DGKI: variants seen among roughly 807,000 people sequenced by gnomAD.
DGKI encodes DAG kinase iota.
DGKI carries 55 observed loss-of-function variants against 147.5 expected under a neutral mutation model. That is an observed-to-expected ratio of 0.37 (90% CI 0.30 to 0.47). The LOEUF is 0.47. Among genes scored for constraint, DGKI ranks in the 20% least tolerant of loss-of-function variants. The pLI, the probability that DGKI is intolerant of heterozygous loss-of-function variation, is 1.00. For missense variants in DGKI, 1,007 were observed against 1,323.8 expected (o/e 0.76, Z 3.71); for synonymous variants, 469 against 477.1 (o/e 0.98, Z 0.22).
Position 137,381,081 on chromosome 7 carries a change from A to G in DGKI, c.*10139T>C, listed in dbSNP as rs1385963241. On this transcript the variant is annotated 3_prime_UTR_variant, in exon 33 of 33. Transcript: ENST00000614521. ...TCTGTACATTTCCACACAATTCACAATACAGAAAAAGTGTCCAAAAAGTAA... is the reference window on the plus strand; with the variant it reads ...TCTGTACATTTCCACACAATTCACAGTACAGAAAAAGTGTCCAAAAAGTAA... The G allele has an allele frequency of 6.6e-6, 1 of 152,132 alleles. No individual in the cohort carries two copies. The highest frequency in any genetic ancestry group is 1.9e-4 in the East Asian group (1 of 5,190). 9.4% of individuals were successfully genotyped at this position (152,132 alleles called of 1,614,324 possible). A position where few individuals can be genotyped will look rare whatever the true frequency, so the allele number is the denominator to read the frequency against.
At chr7:137,630,841 T>C (rs1821100397) in intron 6 of DGKI, among the ~76,000 whole-genome samples, 1 of 152,216 alleles carries the variant, frequency 6.6e-6, no homozygotes, top group African/African-American at 2.4e-5. Context: ...AGGTTTCTTT[T>C]ATGAAAGTAT....
At chr7:137,721,078 C>T (rs1310244589) in intron 1 of DGKI, among the ~76,000 whole-genome samples, 7 of 152,176 alleles carry the variant, frequency 4.6e-5, no homozygotes, top group Non-Finnish European at 1.0e-4. Flanking sequence ...GACTCACATC[C>T]TACTTTTTAA....
intron 32 of DGKI, among the ~76,000 whole-genome samples, chr7:137,393,703 A>G (rs1811447073): frequency 2.6e-5 from 4 of 152,236 alleles, no homozygotes; most frequent in African/African-American, 7.2e-5. Context: ...CTAGCCAGAC[A>G]GGTAACAGAC....
chr7:137,622,527 T>C (rs1473169604), intron 7 of DGKI, among the ~76,000 whole-genome samples: 1 of 152,170 alleles, frequency 6.6e-6, no homozygotes, highest in Non-Finnish European at 1.5e-5. Flanking sequence ...TTTAGGCTTA[T>C]GGGATCATCC....
chr7:137,551,469 C>T (rs1366895274), intron 20 of DGKI, among the ~76,000 whole-genome samples: 1 of 152,148 alleles, frequency 6.6e-6, no homozygotes, highest in Non-Finnish European at 1.5e-5. Flanking sequence ...GCATTACAGG[C>T]CACAAACGGG....
intron 27 of DGKI, chr7:137,455,000 T>C (rs762061354): frequency 2.0e-5 from 3 of 152,168 alleles, no homozygotes; most frequent in Admixed American, 1.3e-4. Context: ...GCACCTCACT[T>C]ATCTCGTGAT....
At chr7:137,505,611 T>C (rs1258867035) in intron 21 of DGKI, among the ~76,000 whole-genome samples, 2 of 151,412 alleles carry the variant, frequency 1.3e-5, no homozygotes, top group Non-Finnish European at 2.9e-5. Context: ...TTTCAGAGTG[T>C]AAATTTGTGC....
intron 6 of DGKI, among the ~76,000 whole-genome samples, chr7:137,644,026 A>G (rs780676976): frequency 3.3e-5 from 5 of 152,142 alleles, no homozygotes; most frequent in Non-Finnish European, 7.3e-5. Context: ...ACACACACAC[A>G]CATGCACACT....
intron 17 of DGKI, among the ~76,000 whole-genome samples, chr7:137,573,374 G>T (rs952965620): frequency 6.6e-6 from 1 of 152,162 alleles, no homozygotes; most frequent in Non-Finnish European, 1.5e-5. Context: ...CTTTTGAAAA[G>T]ATATCTATCA....
intron 1 of DGKI, among the ~76,000 whole-genome samples, chr7:137,822,773 G>T (rs896322500): frequency 6.6e-6 from 1 of 151,560 alleles, no homozygotes; most frequent in Non-Finnish European, 1.5e-5. Flanking sequence ...AATAAAAGAA[G>T]ATATTAAAGC....
At chr7:137,631,025 T>A (rs568259166) in intron 6 of DGKI, among the ~76,000 whole-genome samples, 2 of 152,348 alleles carry the variant, frequency 1.3e-5, no homozygotes, top group African/African-American at 4.8e-5. Context: ...AGTTTAAATA[T>A]TTTTGAAAGA....
chr7:137,681,800 C>A (rs1320212404), intron 2 of DGKI, among the ~76,000 whole-genome samples: 1 of 152,252 alleles, frequency 6.6e-6, no homozygotes, highest in East Asian at 1.9e-4. Flanking sequence ...AATCTCTAAG[C>A]CCATGGAAAG....
At chr7:137,433,476 C>G (rs1043719378) in intron 28 of DGKI, among the ~76,000 whole-genome samples, 1 of 152,164 alleles carries the variant, frequency 6.6e-6, no homozygotes, top group African/African-American at 2.4e-5. Flanking sequence ...ATTGGGATTT[C>G]TAGTCAAATT....
intron 27 of DGKI, among the ~76,000 whole-genome samples, chr7:137,462,101 T>C (rs1234918548): frequency 1.7e-5 from 2 of 116,532 alleles, no homozygotes; most frequent in Non-Finnish European, 3.2e-5. Context: ...AAACAGATTA[T>C]ATATATATAT....
At position 137,382,167 on chromosome 7, in the gene DGKI, G is replaced by A. The variant is rs570748679; in HGVS notation, c.*9053C>T. On this transcript the variant is annotated 3_prime_UTR_variant, in exon 33 of 33. Coordinates refer to ENST00000614521, the MANE Select transcript of DGKI (RefSeq NM_001321708.2). ...AACAAAAAATAGGGTAAACTGACAG[G>A]ACTATCCTATCTGTATGTGTGTGTT... The A allele has an allele frequency of 1.3e-5, 2 of 152,080 alleles. No individual in the cohort carries two copies. The highest frequency in any genetic ancestry group is 2.1e-4 in the South Asian group (1 of 4,814). 9.4% of individuals were successfully genotyped at this position (152,080 alleles called of 1,614,324 possible).
chr7:137,665,520 G>A (rs989369197), intron 3 of DGKI, among the ~76,000 whole-genome samples: 1 of 152,172 alleles, frequency 6.6e-6, no homozygotes, highest in African/African-American at 2.4e-5. Flanking sequence ...AAACTCACTT[G>A]ATGCTCTTCG....
intron 5 of DGKI, among the ~76,000 whole-genome samples, chr7:137,646,345 A>T (rs556002278): frequency 6.6e-6 from 1 of 152,246 alleles, no homozygotes; most frequent in East Asian, 1.9e-4. Flanking sequence ...AAGCATATCA[A>T]TGATGTTTTT....
At position 137,513,900 on chromosome 7, in the gene DGKI, G is replaced by A. The variant is rs1816662444; in HGVS notation, c.2248+7966C>T. 73 of 716,644 alleles carry A rather than the reference G, an allele frequency of 1.0e-4. No individual in the cohort carries two copies. In the South Asian group the frequency reaches 1.1e-3, roughly 11 times the overall value. The allele number at this position is 716,644 out of a possible 1,614,324, so 44.4% of individuals were successfully genotyped here. ...GGAAGAAGCGAATGCGCAGGCTGAA[G>A]CGCAAAAGAAGAAAGATGAGGCAGA... is the stretch of plus-strand genomic sequence containing the variant. On this transcript the variant is annotated intron_variant, in intron 21 of 32. Transcript: ENST00000614521.
chr7:137,664,923 G>A (rs1252675182), intron 3 of DGKI, among the ~76,000 whole-genome samples: 1 of 152,208 alleles, frequency 6.6e-6, no homozygotes, highest in Non-Finnish European at 1.5e-5. Flanking sequence ...GTGGACCAGG[G>A]AAGGTTTCAC....
Sources: gnomAD v4.1 joint callset for allele counts (sites outside exome capture counted in the v4.1 genomes callset) on GRCh38, gnomAD v4.1.1 for gene constraint, MANE v1.5 for transcripts, NCBI Gene and HGNC (gene_info 2026-07-23, HGNC 2026-07-21) for gene names.